Variants in ADGRL3 observed in about 807,000 individuals in gnomAD.
ADGRL3 encodes adhesion G protein-coupled receptor L3, also known as calcium-independent alpha-latrotoxin receptor 3.
In ADGRL3, 62 loss-of-function variants were observed where a neutral mutation model predicts 153.5. The observed-to-expected ratio is 0.40, with a 90% CI of 0.33 to 0.50. ADGRL3 has a LOEUF of 0.50. Among genes scored for constraint, ADGRL3 ranks in the 20% least tolerant of loss-of-function variants. ADGRL3 has a pLI of 0.47. For synonymous variants in ADGRL3, 710 were observed against 672.5 expected (o/e 1.06, Z -0.86); for missense variants, 1,641 against 1,859.4 (o/e 0.88, Z 2.16).
chr4:61,527,674 G>A (rs534464643), intron 4 of ADGRL3, among the ~76,000 whole-genome samples: 17 of 152,248 alleles, frequency 1.1e-4, no homozygotes, highest in Non-Finnish European at 2.5e-4. Context: ...TAAATTAAAA[G>A]AATATTATTT....
At chr4:61,813,691 CTT>C in intron 8 of ADGRL3, 116 bp from the exon 9 acceptor site, 1 of 1,209,270 alleles carries the variant, frequency 8.3e-7, no homozygotes, top group Admixed American at 2.3e-5. Context: ...TATGTCTACT[CTT>C]TAATTTAGGC....
intron 1 of ADGRL3, among the ~76,000 whole-genome samples, chr4:61,370,410 AG>A (rs1339915370): frequency 6.6e-6 from 1 of 151,478 alleles, no homozygotes; most frequent in African/African-American, 2.4e-5. Context: ...AATGTGTCCC[AG>A]AGATTCTGGT....
rs559197366 is a variant in ADGRL3 at position 62,014,124 on chromosome 4, C to T, written c.3396-14731C>T. Among the ~76,000 whole-genome samples, 7 of 151,968 alleles carry T rather than the reference C, an allele frequency of 4.6e-5. No homozygotes were observed. The South Asian group carries it at 1.5e-3, about 32-fold the overall frequency. On this transcript the variant is annotated intron_variant, in intron 21 of 26. Coordinates refer to ENST00000683033, the MANE Select transcript of ADGRL3 (RefSeq NM_001387552.1). ...AGAGGTCTAGGAATGTTCAAGTTAC[C>T]AAAACAAGAAGATAGTAGTAAATAG...
chr4:61,818,717 TG>T (rs1390469284), intron 9 of ADGRL3, among the ~76,000 whole-genome samples: 2 of 152,090 alleles, frequency 1.3e-5, no homozygotes, highest in African/African-American at 4.8e-5. Context: ...TACCTTAAAA[TG>T]GTTGTCCTGA....
At chr4:61,874,729 C>T (rs989029128) in intron 9 of ADGRL3, among the ~76,000 whole-genome samples, 2 of 147,990 alleles carry the variant, frequency 1.4e-5, no homozygotes, top group Admixed American at 6.8e-5. Flanking sequence ...AACCCCCTCA[C>T]GTGATAACCA....
At chr4:61,681,962 T>C (rs1026343464) in intron 6 of ADGRL3, among the ~76,000 whole-genome samples, 1 of 152,020 alleles carries the variant, frequency 6.6e-6, no homozygotes, top group African/African-American at 2.4e-5. Flanking sequence ...TAAATATGTA[T>C]TGAAGGACTG....
intron 13 of ADGRL3, among the ~76,000 whole-genome samples, chr4:61,928,471 G>T (rs890787660): frequency 1.3e-5 from 2 of 152,058 alleles, no homozygotes; most frequent in Non-Finnish European, 2.9e-5. Flanking sequence ...TTTTGTGCTG[G>T]AGCATAGGTA....
intron 8 of ADGRL3, among the ~76,000 whole-genome samples, chr4:61,752,068 G>T (rs1366265819): frequency 1.3e-5 from 2 of 152,140 alleles, no homozygotes; most frequent in East Asian, 1.9e-4. Flanking sequence ...CTTATATACT[G>T]CTGGTTGGAA....
intron 1 of ADGRL3, among the ~76,000 whole-genome samples, chr4:61,320,582 A>G (rs879688175): frequency 6.6e-6 from 1 of 152,178 alleles, no homozygotes; most frequent in South Asian, 2.1e-4. Flanking sequence ...CTTCTCCCTT[A>G]GGAAACCTCC....
intron 8 of ADGRL3, among the ~76,000 whole-genome samples, chr4:61,776,441 A>C (rs2152342306): frequency 6.6e-6 from 1 of 152,326 alleles, no homozygotes; most frequent in African/African-American, 2.4e-5. Context: ...TCACATAAGA[A>C]ATTGAATATC....
intron 5 of ADGRL3, among the ~76,000 whole-genome samples, chr4:61,609,916 G>T (rs1196320221): frequency 6.6e-6 from 1 of 151,846 alleles, no homozygotes; most frequent in Non-Finnish European, 1.5e-5. Flanking sequence ...TGAAATGAAA[G>T]ATATATAATA....
At chr4:61,509,711 A>T (rs1057179918) in intron 3 of ADGRL3, among the ~76,000 whole-genome samples, 3 of 152,174 alleles carry the variant, frequency 2.0e-5, no homozygotes, top group Non-Finnish European at 4.4e-5. Context: ...AATTATAAAT[A>T]GTGCTGCAAT....
At chr4:61,470,979 A>G (rs2097944924) in intron 2 of ADGRL3, among the ~76,000 whole-genome samples, 1 of 151,884 alleles carries the variant, frequency 6.6e-6, no homozygotes, top group South Asian at 2.1e-4. Flanking sequence ...CACTTTTTTA[A>G]ATTGATTCAG....
intron 8 of ADGRL3, among the ~76,000 whole-genome samples, chr4:61,762,318 TTTTA>T (rs1561205129): frequency 6.6e-6 from 1 of 152,154 alleles, no homozygotes; most frequent in South Asian, 2.1e-4. Flanking sequence ...AAGCATTACT[TTTTA>T]TTTGACAATG....
intron 21 of ADGRL3, among the ~76,000 whole-genome samples, chr4:62,019,025 T>C (rs1463833067): frequency 6.6e-6 from 1 of 152,178 alleles, no homozygotes; most frequent in Non-Finnish European, 1.5e-5. Context: ...GGAAAGTGAC[T>C]CTGTAACCAA....
chr4:61,791,584 G>A (rs2097342260), intron 8 of ADGRL3, among the ~76,000 whole-genome samples: 1 of 152,188 alleles, frequency 6.6e-6, no homozygotes, highest in African/African-American at 2.4e-5. Flanking sequence ...CTGAGATCTG[G>A]AGGACAGAGG....
chr4:61,939,815 A>G (rs1412024170), intron 15 of ADGRL3, among the ~76,000 whole-genome samples: 3 of 152,158 alleles, frequency 2.0e-5, no homozygotes, highest in Admixed American at 2.0e-4. Context: ...CATACAGTGT[A>G]TACCATTTGC....
intron 5 of ADGRL3, among the ~76,000 whole-genome samples, chr4:61,656,238 C>T (rs1042151510): frequency 3.9e-5 from 6 of 152,126 alleles, no homozygotes; most frequent in Admixed American, 2.6e-4. Flanking sequence ...GACTGTAATA[C>T]AGGATCTTAA....
intron 9 of ADGRL3, among the ~76,000 whole-genome samples, chr4:61,850,177 G>A (rs1223112113): frequency 1.3e-5 from 2 of 152,072 alleles, no homozygotes; most frequent in African/African-American, 2.4e-5. Context: ...CATACCATGG[G>A]TATATGCATT....
Sources: allele counts gnomAD v4.1 joint callset (sites outside exome capture counted in the v4.1 genomes callset), GRCh38; gene constraint gnomAD v4.1.1; transcripts MANE v1.5; gene names NCBI Gene and HGNC (gene_info 2026-07-23, HGNC 2026-07-21).